FSTL5: variants seen among roughly 807,000 people sequenced by gnomAD.
FSTL5 encodes the protein follistatin like 5, also known as follistatin-related protein 5.
A neutral mutation model predicts 89.1 loss-of-function variants in FSTL5; 62 were observed. The ratio of observed to expected loss-of-function variants is 0.70; its 90% CI spans 0.57 to 0.86. The LOEUF (loss-of-function observed/expected upper bound fraction) is 0.86. Ranked by LOEUF, FSTL5 falls within the 40% of genes least tolerant of loss-of-function variation. The probability of loss-of-function intolerance (pLI) is 0.00; values close to 1 mark genes in which losing one functional copy is unlikely to be tolerated. For synonymous variants in FSTL5, 383 were observed against 346.2 expected (o/e 1.11, Z -1.18); for missense variants, 1,057 against 1,001.6 (o/e 1.06, Z -0.75).
chr4:161,994,583 A>G (rs571027268), intron 3 of FSTL5, among the ~76,000 whole-genome samples: 37 of 152,304 alleles, frequency 2.4e-4, no homozygotes, highest in African/African-American at 8.7e-4. Flanking sequence ...TCTGACTGAT[A>G]TGAGATGACA....
intron 8 of FSTL5, among the ~76,000 whole-genome samples, chr4:161,543,796 T>C (rs1264014288): frequency 2.6e-5 from 4 of 151,888 alleles, no homozygotes. Flanking sequence ...GCTAAAACAA[T>C]AAACTATCAG....
chr4:161,933,565 G>GA (rs562949014), intron 3 of FSTL5, among the ~76,000 whole-genome samples: 13 of 146,262 alleles, frequency 8.9e-5, no homozygotes, highest in African/African-American at 2.5e-4. Flanking sequence ...TATTTTGAGA[G>GA]AAAAAAAAGC....
rs191663876 is a variant in FSTL5 at position 161,588,156 on chromosome 4, A to G, written c.895-581T>C. Among the ~76,000 whole-genome samples, 9 of 152,336 alleles carry G rather than the reference A, an allele frequency of 5.9e-5. No individual in the cohort carries two copies. In the East Asian group the frequency reaches 1.7e-3, roughly 29 times the overall value. ...GCCACTGCACTCCAGCCTGGGTGAC[A>G]GAGTGAGACTCTGTCTCTAAATAAA... On this transcript the variant is annotated intron_variant, in intron 7 of 15. Coordinates refer to ENST00000306100, the MANE Select transcript of FSTL5 (RefSeq NM_020116.5).
chr4:161,654,092 A>C (rs1578997723), intron 7 of FSTL5, among the ~76,000 whole-genome samples: 1 of 152,120 alleles, frequency 6.6e-6, no homozygotes, highest in African/African-American at 2.4e-5. Context: ...TATTTTAGAG[A>C]CCTGACATAT....
intron 15 of FSTL5, among the ~76,000 whole-genome samples, chr4:161,437,439 C>T (rs1048742098): frequency 6.6e-6 from 1 of 151,256 alleles, no homozygotes; most frequent in Non-Finnish European, 1.5e-5. Flanking sequence ...TGGTGGCGGG[C>T]GCCTTTAGTC....
chr4:162,153,654 T>C (rs1335840462), intron 1 of FSTL5, among the ~76,000 whole-genome samples: 2 of 118,898 alleles, frequency 1.7e-5, no homozygotes, highest in Non-Finnish European at 1.7e-5. Flanking sequence ...ATATTATATA[T>C]GTATATAATA....
intron 6 of FSTL5, among the ~76,000 whole-genome samples, chr4:161,706,239 T>A (rs1398525232): frequency 6.6e-6 from 1 of 151,520 alleles, no homozygotes; most frequent in Non-Finnish European, 1.5e-5. Context: ...TCTATTAGCC[T>A]GTAGTAAGCA....
At chr4:161,858,273 A>G (rs932724201) in intron 4 of FSTL5, among the ~76,000 whole-genome samples, 1 of 152,182 alleles carries the variant, frequency 6.6e-6, no homozygotes, top group Non-Finnish European at 1.5e-5. Flanking sequence ...AACCTCCAGA[A>G]CTGTGAGAAA....
chr4:162,014,378 T>G (rs1294566772), intron 3 of FSTL5, among the ~76,000 whole-genome samples: 1 of 152,234 alleles, frequency 6.6e-6, no homozygotes, highest in African/African-American at 2.4e-5. Context: ...AATTTATTAT[T>G]GTCAAGCTTA....
At chr4:161,818,606 G>A (rs1730400291) in intron 4 of FSTL5, among the ~76,000 whole-genome samples, 1 of 152,192 alleles carries the variant, frequency 6.6e-6, no homozygotes, top group Non-Finnish European at 1.5e-5. Context: ...TTGAGCAGTG[G>A]GGCATTGTAG....
chr4:161,901,262 T>C (rs1733354727), intron 4 of FSTL5, among the ~76,000 whole-genome samples: 2 of 150,048 alleles, frequency 1.3e-5, no homozygotes, highest in African/African-American at 4.9e-5. Flanking sequence ...TATAGAAAAA[T>C]ATTTTAAGTA....
rs796803414 is a variant in FSTL5, at chr4:161,618,855, A to G, written c.895-31280T>C. Among the ~76,000 whole-genome samples the G allele has an allele frequency of 2.0e-4, 31 of 152,234 alleles. No homozygotes were observed. The South Asian group carries it at 2.1e-3, about 10-fold the overall frequency. ...AAAAAACTACTTTAAAGTTCATATG[A>G]CACCAAAAAAGAGCCTGCATCGCCA... On this transcript the variant is annotated intron_variant, in intron 7 of 15. Transcript: ENST00000306100.
intron 15 of FSTL5, 147 bp downstream of exon 15, chr4:161,454,857 T>G (rs1471047876): frequency 1.5e-6 from 1 of 654,264 alleles, no homozygotes; most frequent in Non-Finnish European, 2.6e-6. Context: ...TAAACAAAGG[T>G]TCAGTAAGCA....
chr4:161,552,331 A>G (rs1338222058), intron 8 of FSTL5, among the ~76,000 whole-genome samples: 1 of 151,876 alleles, frequency 6.6e-6, no homozygotes, highest in African/African-American at 2.4e-5. Flanking sequence ...ATTTGTAAGC[A>G]TCAATTCTTC....
chr4:161,601,526 T>C, intron 7 of FSTL5, among the ~76,000 whole-genome samples: 1 of 152,050 alleles, frequency 6.6e-6, no homozygotes. Flanking sequence ...CTAAGGTTGA[T>C]ACTGAATGAA....
chr4:161,996,286 C>T lies in FSTL5; in HGVS notation c.160+37339G>A, dbSNP rs78422900. On this transcript the variant is annotated intron_variant, in intron 3 of 15. Transcript: ENST00000306100. ...CTGCAGGCACCTAAAACAAAGGTTGCTCACCAGTGAAATACTCTGCTCTGG... is the reference window on the plus strand; with the variant it reads ...CTGCAGGCACCTAAAACAAAGGTTGTTCACCAGTGAAATACTCTGCTCTGG... Among the ~76,000 whole-genome samples the T allele has an allele frequency of 0.016, 2,459 of 152,316 alleles. 172 individuals carry two copies. In the East Asian group the frequency reaches 0.23, roughly 14 times the overall value.
At chr4:162,159,396 T>C (rs1419450684) in intron 1 of FSTL5, among the ~76,000 whole-genome samples, 1 of 152,104 alleles carries the variant, frequency 6.6e-6, no homozygotes, top group Non-Finnish European at 1.5e-5. Context: ...GAATTGTTAC[T>C]TGTGCAATGA....
rs1200437347 is a variant in FSTL5, at chr4:161,844,928, T to TAAC, written c.410-68855_410-68854insGTT. On this transcript the variant is annotated intron_variant, in intron 4 of 15. Transcript: ENST00000306100. ...CACATGTATCCCAGAACTTACAGTA[T>TAAC]AATAATAATAATAAAAAAACTACAC... Among the ~76,000 whole-genome samples, 5 of 151,772 alleles carry TAAC rather than the reference T, an allele frequency of 3.3e-5. No individual in the cohort carries two copies. The East Asian group carries it at 7.7e-4, about 23-fold the overall frequency.
rs981386570 is a variant in FSTL5, at chr4:162,163,780, C to T, written c.-182G>A. Reference sequence around the variant, plus strand: ...TCCAAAGTCACGCCTGAATGAGCGCCCAGGTGGCAAACAGAGGACTCTCTC... The same window carrying T: ...TCCAAAGTCACGCCTGAATGAGCGCTCAGGTGGCAAACAGAGGACTCTCTC... On this transcript the variant is annotated 5_prime_UTR_variant, in exon 1 of 16. Coordinates refer to ENST00000306100, the MANE Select transcript of FSTL5 (RefSeq NM_020116.5). 3.9e-5 allele frequency: 6 copies of T among 152,124 alleles called. No homozygotes were observed. Among genetic ancestry groups the T allele is most frequent in the African/African-American group, 1.4e-4 (6 of 41,430 alleles). The allele number at this position is 152,124 out of a possible 1,614,324, so 9.4% of individuals were successfully genotyped here.
Sources: allele counts gnomAD v4.1 joint callset (sites outside exome capture counted in the v4.1 genomes callset), GRCh38; gene constraint gnomAD v4.1.1; transcripts MANE v1.5; gene names NCBI Gene and HGNC (gene_info 2026-07-23, HGNC 2026-07-21).